IL15RA: variants seen among roughly 807,000 people sequenced by gnomAD.
IL15RA encodes the protein interleukin-15 receptor subunit alpha.
Under a neutral mutation model 24.2 loss-of-function variants are expected in IL15RA, and 26 were observed. The observed-to-expected ratio is 1.07, with a 90% CI of 0.79 to 1.49. The LOEUF (loss-of-function observed/expected upper bound fraction) is 1.49. IL15RA is among the 40% of genes most tolerant of loss of function. The pLI is 0.00. For missense variants in IL15RA, 354 were observed against 356.4 expected (o/e 0.99, Z 0.05); for synonymous variants, 166 against 157.6 (o/e 1.05, Z -0.40).
At position 5,966,106 on chromosome 10, in the gene IL15RA, TG is replaced by T; in HGVS notation, c.283+38del. On this transcript the variant is annotated intron_variant, in intron 2 of 6. Transcript: ENST00000379977. The surrounding 1 kb of genome is among the most constrained non-coding windows in gnomAD (Gnocchi z 6.4). ...TTCTCTCTGTGCAGCCTTGGCAGGG[TG>T]GGGGAGGGAGGAAGGTGGGGTGGCA... The T allele has an allele frequency of 7.2e-7, 1 of 1,384,528 alleles. No individual in the cohort carries two copies. The allele number at this position is 1,384,528 out of a possible 1,614,324, so 85.8% of individuals were successfully genotyped here.
chr10:5,950,135 C>A (rs1444253533), downstream of IL15RA, among the ~76,000 whole-genome samples: 1 of 151,710 alleles, frequency 6.6e-6, no homozygotes, highest in Non-Finnish European at 1.5e-5. This position sits in a 1 kb window ranked among gnomAD's most constrained non-coding sequence, Gnocchi z 5.6. Context: ...AAAATCAAGG[C>A]AAAATATAAA....
chr10:5,968,528 G>C lies in IL15RA; in HGVS notation c.89-2189C>G, dbSNP rs755118211. 4.3e-5 allele frequency: 22 copies of C among 515,732 alleles called. No individual in the cohort carries two copies. The highest frequency in any genetic ancestry group is 5.3e-5 in the Non-Finnish European group (15 of 285,462). The allele number at this position is 515,732 out of a possible 1,614,324, so 31.9% of individuals were successfully genotyped here. ...ACACATCTTCTGCTAAGCTGATGGC[G>C]TGAGAGATGGAGTCGATCTCACAAG... On this transcript the variant is annotated intron_variant, in intron 1 of 6. Transcript: ENST00000379977. The surrounding 1 kb of genome is among the most constrained non-coding windows in gnomAD (Gnocchi z 5.4).
At position 5,973,266 on chromosome 10, in the gene IL15RA, T is replaced by C. The variant is rs1312153036; in HGVS notation, c.88+4139A>G. Reference sequence around the variant, plus strand: ...TAGTGATATTGATTTGTCCAACCCATGAACATGGTATATCTCTCCATTGAT... The same window carrying C: ...TAGTGATATTGATTTGTCCAACCCACGAACATGGTATATCTCTCCATTGAT... On this transcript the variant is annotated intron_variant, in intron 1 of 6. Transcript: ENST00000379977. The surrounding 1 kb of genome is among the most constrained non-coding windows in gnomAD (Gnocchi z 4.5). 2.6e-5 allele frequency among the ~76,000 whole-genome samples: 4 copies of C among 152,248 alleles called. No individual in the cohort carries two copies. The highest frequency in any genetic ancestry group is 5.9e-5 in the Non-Finnish European group (4 of 68,042).
At chr10:5,949,009 A>G (rs1360546444), downstream of IL15RA, 5 of 330,622 alleles carry the variant, frequency 1.5e-5, no homozygotes, top group Non-Finnish European at 3.1e-5. The surrounding 1 kb of genome is among the most constrained non-coding windows in gnomAD (Gnocchi z 4.4). Flanking sequence ...ATATATATGT[A>G]AAATGGCGCT....
Position 5,970,594 on chromosome 10 carries a change from T to C in IL15RA, c.89-4255A>G, listed in dbSNP as rs1837410981. 1.3e-5 allele frequency among the ~76,000 whole-genome samples: 2 copies of C among 152,134 alleles called. No homozygotes were observed. The highest frequency in any genetic ancestry group is 2.4e-5 in the African/African-American group (1 of 41,392). ...GTTTGAATGTACAAGGATATCAATG[T>C]ACTACAGCCAATCCAACCAGGCAAA... On this transcript the variant is annotated intron_variant, in intron 1 of 6. Transcript: ENST00000379977. This position sits in a 1 kb window ranked among gnomAD's most constrained non-coding sequence, Gnocchi z 4.1.
intron 5 of IL15RA, among the ~76,000 whole-genome samples, chr10:5,957,873 T>A (rs1018214862): frequency 2.0e-5 from 3 of 152,196 alleles, no homozygotes; most frequent in African/African-American, 7.2e-5. Flanking sequence ...ATTACAGGCA[T>A]GAGCCACAGC....
intron 1 of IL15RA, among the ~76,000 whole-genome samples, chr10:5,972,352 A>G (rs1837750802): frequency 1.3e-5 from 2 of 152,332 alleles, no homozygotes; most frequent in South Asian, 2.1e-4. Flanking sequence ...TCATTTAGAT[A>G]CATATTATTA....
chr10:5,960,410 G>A lies in IL15RA; in HGVS notation c.540C>T (p.Ala180=), dbSNP rs1348606409. The change falls in exon 4 of 7, where the codon GCC becomes GCT. Residue 180 remains alanine, a synonymous_variant. Transcript: ENST00000379977. This position sits in a 1 kb window ranked among gnomAD's most constrained non-coding sequence, Gnocchi z 5.1. ...CGGATGCTGTGAGTTCCCAGTTCTT[G>A]GCTGTTGTCTGAGAGGGGGTGCCGT... ...SSHGTPSQTT[A]KNWELTASAS... is the part of the protein sequence containing the mutation. The A allele has an allele frequency of 6.2e-7, 1 of 1,614,136 alleles. No individual in the cohort carries two copies. The highest frequency in any genetic ancestry group is 8.5e-7 in the Non-Finnish European group (1 of 1,180,006).
rs1407098692 is a variant in IL15RA at position 5,964,165 on chromosome 10, T to C, written c.284-324A>G. Among the ~76,000 whole-genome samples, 1 of 152,184 alleles carries C rather than the reference T, an allele frequency of 6.6e-6. No homozygotes were observed. The highest frequency in any genetic ancestry group is 1.5e-5 in the Non-Finnish European group (1 of 68,034). On this transcript the variant is annotated intron_variant, in intron 2 of 6. Coordinates refer to ENST00000379977, the MANE Select transcript of IL15RA (RefSeq NM_002189.4). This position sits in a 1 kb window ranked among gnomAD's most constrained non-coding sequence, Gnocchi z 5.6. ...ATAAATGATCACTCAATAGATTCTA[T>C]TTTGTTTGTTTGAGACAGGGTCTTG...
chr10:5,957,995 T>C (rs1467150471), intron 5 of IL15RA, among the ~76,000 whole-genome samples: 1 of 152,212 alleles, frequency 6.6e-6, no homozygotes, highest in East Asian at 1.9e-4. Flanking sequence ...AAATGACCCC[T>C]GAACTTTATA....
chr10:5,978,619 G>T (rs1838781894), upstream of IL15RA, among the ~76,000 whole-genome samples: 1 of 152,138 alleles, frequency 6.6e-6, no homozygotes, highest in African/African-American at 2.4e-5. The surrounding 1 kb of genome is among the most constrained non-coding windows in gnomAD (Gnocchi z 5.2). Context: ...ATTTAGGGCC[G>T]AGCGCGGTGG....
At position 5,975,465 on chromosome 10, in the gene IL15RA, T is replaced by A. The variant is rs1308350543; in HGVS notation, c.88+1940A>T. Among the ~76,000 whole-genome samples the A allele has an allele frequency of 6.6e-6, 1 of 150,856 alleles. No individual in the cohort carries two copies. Among genetic ancestry groups the A allele is most frequent in the Non-Finnish European group, 1.5e-5 (1 of 68,016 alleles). ...GAAGTCTTTGGGAGTGATAGTTGTGTTCACTCTTGGTGGTGGCAGTGGTTT... is the reference window on the plus strand; with the variant it reads ...GAAGTCTTTGGGAGTGATAGTTGTGATCACTCTTGGTGGTGGCAGTGGTTT... On this transcript the variant is annotated intron_variant, in intron 1 of 6. Coordinates refer to ENST00000379977, the MANE Select transcript of IL15RA (RefSeq NM_002189.4). This position sits in a 1 kb window ranked among gnomAD's most constrained non-coding sequence, Gnocchi z 4.8.
In IL15RA at chr10:5,966,276, A is replaced by C; in HGVS notation, c.152T>G (p.Leu51Trp). The C allele has an allele frequency of 6.2e-7, 1 of 1,614,110 alleles. No individual in the cohort carries two copies. The highest frequency in any genetic ancestry group is 8.5e-7 in the Non-Finnish European group (1 of 1,179,956). ...ACAAATGTACCGCTCCCTGGAGTAC[A>C]AGCTGTAGCTCTTGACCCAGATGTC... ...HADIWVKSYSLYSRERYICNS... is the reference protein window; with the variant it reads ...HADIWVKSYSWYSRERYICNS... The change falls in exon 2 of 7, where the codon TTG becomes TGG. Residue 51 changes from leucine (L) to tryptophan (W), a missense_variant. Transcript: ENST00000379977. This position sits in a 1 kb window ranked among gnomAD's most constrained non-coding sequence, Gnocchi z 6.4.
rs1836149414 is a variant in IL15RA, at chr10:5,964,431, G to A, written c.284-590C>T. On this transcript the variant is annotated intron_variant, in intron 2 of 6. Transcript: ENST00000379977. This position sits in a 1 kb window ranked among gnomAD's most constrained non-coding sequence, Gnocchi z 5.6. ...ATCCCTCCCATCTCGGCCTCCCAAA[G>A]TGCTGGGATTACAGGTGTAAGCCAC... Among the ~76,000 whole-genome samples the A allele has an allele frequency of 6.6e-6, 1 of 152,186 alleles. No homozygotes were observed. The highest frequency in any genetic ancestry group is 6.5e-5 in the Admixed American group (1 of 15,286).
Position 5,955,422 on chromosome 10 carries a change from A to T in IL15RA, c.692+957T>A, listed in dbSNP as rs1233738327. Among the ~76,000 whole-genome samples, 3 of 152,150 alleles carry T rather than the reference A, an allele frequency of 2.0e-5. No individual in the cohort carries two copies. Among genetic ancestry groups the T allele is most frequent in the Non-Finnish European group, 4.4e-5 (3 of 68,034 alleles). ...CCAGGGTCACATAATTTTTATATTG[A>T]TATCACATTTAGAAAAGAATGTTTT... On this transcript the variant is annotated intron_variant, in intron 6 of 6. Coordinates refer to ENST00000379977, the MANE Select transcript of IL15RA (RefSeq NM_002189.4). The surrounding 1 kb of genome is among the most constrained non-coding windows in gnomAD (Gnocchi z 5.3).
Position 5,968,819 on chromosome 10 carries a change from G to A in IL15RA, c.89-2480C>T. On this transcript the variant is annotated intron_variant, in intron 1 of 6. Coordinates refer to ENST00000379977, the MANE Select transcript of IL15RA (RefSeq NM_002189.4). This position sits in a 1 kb window ranked among gnomAD's most constrained non-coding sequence, Gnocchi z 5.4. The stretch of plus-strand genomic sequence containing the variant: ...TCCGATGGTGGTGGCACTGGGGGCA[G>A]TTTTCCATTGTCCTGAGTCTCACGC... 1.3e-6 allele frequency: 1 copy of A among 775,996 alleles called. No homozygotes were observed. The highest frequency in any genetic ancestry group is 2.2e-6 in the Non-Finnish European group (1 of 452,426). The allele number at this position is 775,996 out of a possible 1,614,324, so 48.1% of individuals were successfully genotyped here.
rs1305492577 is a variant in IL15RA at position 5,975,722 on chromosome 10, C to T, written c.88+1683G>A. On this transcript the variant is annotated intron_variant, in intron 1 of 6. Transcript: ENST00000379977. This position sits in a 1 kb window ranked among gnomAD's most constrained non-coding sequence, Gnocchi z 4.8. The stretch of plus-strand genomic sequence containing the variant: ...CAGCCTGACCAACATGATGAAACCC[C>T]GTCTCTATTAAAAACACAAAAGTTA... 6.6e-6 allele frequency among the ~76,000 whole-genome samples: 1 copy of T among 151,890 alleles called. No homozygotes were observed. The highest frequency in any genetic ancestry group is 2.4e-5 in the African/African-American group (1 of 41,348).
At position 5,973,756 on chromosome 10, in the gene IL15RA, G is replaced by A. The variant is rs1837980109; in HGVS notation, c.88+3649C>T. 6.6e-6 allele frequency among the ~76,000 whole-genome samples: 1 copy of A among 152,034 alleles called. No individual in the cohort carries two copies. The highest frequency in any genetic ancestry group is 2.1e-4 in the South Asian group (1 of 4,820). On this transcript the variant is annotated intron_variant, in intron 1 of 6. Transcript: ENST00000379977. The surrounding 1 kb of genome is among the most constrained non-coding windows in gnomAD (Gnocchi z 4.5). ...TAGAAGTAAACCTTTGTAACCTTAG[G>A]CTAGGCAAATATTTCTTAGATATGA... is the stretch of plus-strand genomic sequence containing the variant.
chr10:5,978,109 C>G (rs556740858), upstream of IL15RA: 2 of 152,258 alleles, frequency 1.3e-5, no homozygotes, highest in Non-Finnish European at 2.9e-5. The surrounding 1 kb of genome is among the most constrained non-coding windows in gnomAD (Gnocchi z 5.2). Flanking sequence ...GCGCAGCCCC[C>G]GCCACCTGCT....
Sources: gnomAD v4.1 joint callset for allele counts (sites outside exome capture counted in the v4.1 genomes callset) on GRCh38, gnomAD v4.1.1 for gene constraint, Gnocchi (gnomAD v3.1) non-coding constraint, MANE v1.5 for transcripts, NCBI Gene and HGNC (gene_info 2026-07-23, HGNC 2026-07-21) for gene names.